Variants in CDKN3 observed in about 807,000 individuals in gnomAD.
CDKN3 encodes the protein cyclin-dependent kinase inhibitor 3.
A neutral mutation model predicts 36.1 loss-of-function variants in CDKN3; 19 were observed. The observed-to-expected ratio is 0.53, with a 90% CI of 0.37 to 0.77. The LOEUF (loss-of-function observed/expected upper bound fraction) is 0.77. Ranked by LOEUF, CDKN3 falls within the 30% of genes least tolerant of loss-of-function variation. CDKN3 has a pLI of 0.00. For missense variants in CDKN3, 188 were observed against 248.6 expected (o/e 0.76, Z 1.64); for synonymous variants, 71 against 85.3 (o/e 0.83, Z 0.92).
At position 54,414,578 on chromosome 14, in the gene CDKN3, C is replaced by T. The variant is rs1434180434; in HGVS notation, c.417-1321C>T. Reference sequence around the variant, plus strand: ...TTTTTTAATAAGGCAGTTGTCTCTTCTCTGTCACCCAGGCTGGAGTGCAGT... The same window carrying T: ...TTTTTTAATAAGGCAGTTGTCTCTTTTCTGTCACCCAGGCTGGAGTGCAGT... On this transcript the variant is annotated intron_variant, in intron 5 of 7. Transcript: ENST00000335183. Among the ~76,000 whole-genome samples the T allele has an allele frequency of 5.1e-4, 77 of 149,970 alleles. 1 individual carries two copies. In the South Asian group the frequency reaches 0.014, roughly 28 times the overall value.
rs895550012 is a variant in CDKN3, at chr14:54,409,855, G to A, written c.193+1066G>A. On this transcript the variant is annotated intron_variant, in intron 4 of 7. Coordinates refer to ENST00000335183, the MANE Select transcript of CDKN3 (RefSeq NM_005192.4). ...TGCAATGAGCTGAGATTGCATTACT[G>A]CACTCCAACCTGGTGGCAGAGCAAG... 3.4e-5 allele frequency among the ~76,000 whole-genome samples: 5 copies of A among 148,370 alleles called. 1 individual carries two copies. In the East Asian group the frequency reaches 8.2e-4, roughly 24 times the overall value.
At chr14:54,411,220 G>A (rs2030341581) in intron 4 of CDKN3, 4 of 367,826 alleles carry the variant, frequency 1.1e-5, no homozygotes, top group South Asian at 8.0e-5. Flanking sequence ...TTTTAAAGCA[G>A]TATTCATTGC....
chr14:54,412,045 T>G (rs2030375329), intron 5 of CDKN3, among the ~76,000 whole-genome samples: 1 of 152,230 alleles, frequency 6.6e-6, no homozygotes, highest in Admixed American at 6.5e-5. Flanking sequence ...ACTGCCTCAC[T>G]TATTAGCTTT....
chr14:54,397,897 A>C (rs1487326933), intron 1 of CDKN3, among the ~76,000 whole-genome samples: 4 of 152,208 alleles, frequency 2.6e-5, no homozygotes, highest in Non-Finnish European at 5.9e-5. Context: ...TTGGGAGGCC[A>C]AGGCGGGCGG....
intron 3 of CDKN3, among the ~76,000 whole-genome samples, chr14:54,404,950 T>C (rs1048720177): frequency 5.9e-5 from 9 of 152,224 alleles, no homozygotes; most frequent in African/African-American, 9.6e-5. Context: ...GTTCTTTCAA[T>C]TGTGATGTTA....
chr14:54,406,971 C>T (rs1391884252), intron 3 of CDKN3, among the ~76,000 whole-genome samples: 1 of 152,064 alleles, frequency 6.6e-6, no homozygotes. Context: ...TCCTCATCTT[C>T]GCGGATTTAT....
intron 3 of CDKN3, among the ~76,000 whole-genome samples, chr14:54,405,582 AC>A (rs1214519029): frequency 6.6e-6 from 1 of 152,032 alleles, no homozygotes; most frequent in East Asian, 1.9e-4. Context: ...TGATCCCTTT[AC>A]CATTATGTAA....
At chr14:54,411,900 C>T in intron 5 of CDKN3, 194 bp downstream of exon 5, 1 of 624,718 alleles carries the variant, frequency 1.6e-6, no homozygotes, top group Non-Finnish European at 2.9e-6. Flanking sequence ...TATTACTTTT[C>T]AAGAGTAGGG....
chr14:54,411,356 G>T (rs1021612335), intron 4 of CDKN3, 128 bp from the exon 5 acceptor site: 9 of 685,292 alleles, frequency 1.3e-5, no homozygotes, highest in Non-Finnish European at 2.0e-5. Context: ...AGGCACTTCA[G>T]ATTTATAGAT....
chr14:54,408,705 GA>G (rs762310361), intron 3 of CDKN3, 39 bp from the exon 4 acceptor site: 2 of 1,554,640 alleles, frequency 1.3e-6, no homozygotes, highest in Admixed American at 4.3e-5. Flanking sequence ...TACATATGAC[GA>G]AAAACTGACT....
chr14:54,415,675 ACT>A (rs1244763446), intron 5 of CDKN3, among the ~76,000 whole-genome samples: 2 of 152,142 alleles, frequency 1.3e-5, no homozygotes, highest in African/African-American at 2.4e-5. Flanking sequence ...CAATAAGAAG[ACT>A]CTGCCTATCT....
intron 3 of CDKN3, among the ~76,000 whole-genome samples, chr14:54,405,308 T>C (rs2030117515): frequency 6.6e-6 from 1 of 152,250 alleles, no homozygotes; most frequent in Non-Finnish European, 1.5e-5. Flanking sequence ...GAGAAGAATG[T>C]ATATTCTGAT....
chr14:54,414,709 C>CTTTTTTT (rs35670197), intron 5 of CDKN3, among the ~76,000 whole-genome samples: 1 of 102,140 alleles, frequency 9.8e-6, no homozygotes, highest in African/African-American at 4.0e-5. Flanking sequence ...CCGTGCCAGG[C>CTTTTTTT]TTTTTTTTTT....
rs568889992 is a variant in CDKN3, at chr14:54,404,660, T to C, written c.148+3081T>C. On this transcript the variant is annotated intron_variant, in intron 3 of 7. Coordinates refer to ENST00000335183, the MANE Select transcript of CDKN3 (RefSeq NM_005192.4). ...CACAATCTCGGCTCACTGCAAGCTCTGCCTCCCGGGTTCATGCCATTCTCC... is the reference window on the plus strand; with the variant it reads ...CACAATCTCGGCTCACTGCAAGCTCCGCCTCCCGGGTTCATGCCATTCTCC... Among the ~76,000 whole-genome samples, 64 of 152,186 alleles carry C rather than the reference T, an allele frequency of 4.2e-4. No homozygotes were observed. The South Asian group carries it at 5.6e-3, about 13-fold the overall frequency.
At position 54,420,026 on chromosome 14, in the gene CDKN3, T is replaced by C; in HGVS notation, c.587T>C (p.Leu196Ser). 6.2e-7 allele frequency: 1 copy of C among 1,610,044 alleles called. No individual in the cohort carries two copies. The highest frequency in any genetic ancestry group is 1.3e-5 in the African/African-American group (1 of 74,942). Residue 196 changes from leucine (L) to serine (S), a missense_variant, in exon 8 of 8, where the codon TTA (leucine) becomes TCA (serine). Leu to Ser is a moderately radical substitution (Grantham distance 145). Coordinates refer to ENST00000335183, the MANE Select transcript of CDKN3 (RefSeq NM_005192.4). ...YNYLHEFRDKLAAHLSSRDSQ... is the reference protein window; with the variant it reads ...YNYLHEFRDKSAAHLSSRDSQ... Reference sequence around the variant, plus strand: ...TATCTTCATGAGTTTCGGGACAAATTAGCTGCACATCTATCATCAAGAGAT... The same window carrying C: ...TATCTTCATGAGTTTCGGGACAAATCAGCTGCACATCTATCATCAAGAGAT...
chr14:54,412,374 C>T (rs935535660), intron 5 of CDKN3, among the ~76,000 whole-genome samples: 1 of 120,068 alleles, frequency 8.3e-6, no homozygotes, highest in Non-Finnish European at 1.8e-5. Context: ...GACAGGGAGA[C>T]CCCATCTAGA....
At chr14:54,400,725 C>T (rs4251609) in intron 2 of CDKN3, among the ~76,000 whole-genome samples, 2 of 152,150 alleles carry the variant, frequency 1.3e-5, no homozygotes, top group East Asian at 1.9e-4. Flanking sequence ...ACTTAAAACT[C>T]CCATTTAAAC....
intron 5 of CDKN3, chr14:54,412,976 CT>C: frequency 2.2e-6 from 1 of 456,444 alleles, no homozygotes; most frequent in South Asian, 1.6e-5. Flanking sequence ...GCCCAGCCAA[CT>C]TCTCCTCTTA....
At chr14:54,407,708 G>A (rs943351987) in intron 3 of CDKN3, among the ~76,000 whole-genome samples, 3 of 152,200 alleles carry the variant, frequency 2.0e-5, no homozygotes, top group Non-Finnish European at 4.4e-5. Context: ...CACCAAGCTG[G>A]AACATCCCAG....
Sources: gnomAD v4.1 joint callset for allele counts (sites outside exome capture counted in the v4.1 genomes callset) on GRCh38, gnomAD v4.1.1 for gene constraint, MANE v1.5 for transcripts, NCBI Gene and HGNC (gene_info 2026-07-23, HGNC 2026-07-21) for gene names.